Variants in HIBADH observed in about 807,000 individuals in gnomAD.
The protein encoded by HIBADH is 3-hydroxyisobutyrate dehydrogenase, mitochondrial.
A neutral mutation model predicts 36.1 loss-of-function variants in HIBADH; 25 were observed. That is an observed-to-expected ratio of 0.69 (90% confidence interval 0.50 to 0.97). The LOEUF (loss-of-function observed/expected upper bound fraction) is 0.97. Among genes scored for constraint, HIBADH ranks in the 50% least tolerant of loss-of-function variants. The pLI is 0.00. For synonymous variants in HIBADH, 160 were observed against 149.5 expected, an observed-to-expected ratio of 1.07 and a Z score of -0.51; for missense variants, 421 against 418.0, an observed-to-expected ratio of 1.01 and a Z score of -0.06.
intron 2 of HIBADH, chr7:27,647,707 G>C (rs934677703): frequency 4.1e-5 from 17 of 417,214 alleles, no homozygotes; most frequent in Non-Finnish European, 8.5e-5. Context: ...TAAGAAACTT[G>C]TTGGGAAACA....
At chr7:27,607,695 A>C (rs1045022603) in intron 4 of HIBADH, among the ~76,000 whole-genome samples, 2 of 152,130 alleles carry the variant, frequency 1.3e-5, no homozygotes, top group African/African-American at 4.8e-5. Context: ...AATTACAGTA[A>C]ACTAACTAGC....
At chr7:27,549,100 C>T (rs936659960) in intron 4 of HIBADH, among the ~76,000 whole-genome samples, 5 of 151,984 alleles carry the variant, frequency 3.3e-5, no homozygotes, top group African/African-American at 9.7e-5. Context: ...CATAATACTC[C>T]ACCACTCTTC....
At chr7:27,628,414 G>A (rs954224149) in intron 4 of HIBADH, among the ~76,000 whole-genome samples, 11 of 152,168 alleles carry the variant, frequency 7.2e-5, no homozygotes, top group African/African-American at 2.6e-4. Flanking sequence ...ATATTCTGCT[G>A]TCTACTGCTA....
chr7:27,593,497 A>T (rs998027545), intron 4 of HIBADH, among the ~76,000 whole-genome samples: 3 of 151,520 alleles, frequency 2.0e-5, no homozygotes, highest in African/African-American at 4.8e-5. Context: ...ACATACATTT[A>T]AAAAAAAAGA....
chr7:27,591,897 TAGA>T (rs904076447), intron 4 of HIBADH, among the ~76,000 whole-genome samples: 5 of 152,356 alleles, frequency 3.3e-5, no homozygotes, highest in East Asian at 1.9e-4. Flanking sequence ...ACAGTGATTC[TAGA>T]AGAACCTTCA....
intron 1 of HIBADH, among the ~76,000 whole-genome samples, chr7:27,659,832 A>T (rs1404359633): frequency 6.6e-6 from 1 of 152,204 alleles, no homozygotes; most frequent in African/African-American, 2.4e-5. Flanking sequence ...TCAAGGCAAG[A>T]GGATGGCTTC....
At chr7:27,635,729 G>A (rs935115503) in intron 2 of HIBADH, among the ~76,000 whole-genome samples, 5 of 152,190 alleles carry the variant, frequency 3.3e-5, no homozygotes, top group Admixed American at 1.3e-4. Context: ...CTCCATAACT[G>A]GGGATGGTCA....
intron 4 of HIBADH, among the ~76,000 whole-genome samples, chr7:27,550,937 T>C (rs1293442426): frequency 6.6e-6 from 1 of 152,214 alleles, no homozygotes; most frequent in East Asian, 1.9e-4. Flanking sequence ...AATGTGTTTA[T>C]TGTAATCTTG....
intron 4 of HIBADH, among the ~76,000 whole-genome samples, chr7:27,594,813 G>A (rs1219563406): frequency 6.6e-6 from 1 of 152,038 alleles, no homozygotes; most frequent in African/African-American, 2.4e-5. Flanking sequence ...ATACATGCTG[G>A]AACTGAGTGT....
chr7:27,651,648 T>G (rs1479612980), intron 1 of HIBADH, among the ~76,000 whole-genome samples: 1 of 152,194 alleles, frequency 6.6e-6, no homozygotes, highest in Non-Finnish European at 1.5e-5. Flanking sequence ...GGCAATTCAC[T>G]CTAGGTCAAA....
At chr7:27,555,006 G>C (rs1030648968) in intron 4 of HIBADH, among the ~76,000 whole-genome samples, 1 of 152,152 alleles carries the variant, frequency 6.6e-6, no homozygotes, top group Non-Finnish European at 1.5e-5. Context: ...TAACATTAAG[G>C]AAAGGTAACT....
intron 4 of HIBADH, among the ~76,000 whole-genome samples, chr7:27,557,211 A>C (rs1192790308): frequency 6.7e-6 from 1 of 149,768 alleles, no homozygotes; most frequent in Non-Finnish European, 1.5e-5. Context: ...TTTTTTTTTT[A>C]AGAAATAACA....
intron 2 of HIBADH, among the ~76,000 whole-genome samples, chr7:27,647,102 G>A (rs1446026951): frequency 6.6e-6 from 1 of 152,096 alleles, no homozygotes; most frequent in Admixed American, 6.5e-5. Flanking sequence ...CAATATGCGA[G>A]CAACACTACT....
chr7:27,574,127 A>G (rs2128188443), intron 4 of HIBADH, among the ~76,000 whole-genome samples: 1 of 152,332 alleles, frequency 6.6e-6, no homozygotes, highest in Middle Eastern at 3.4e-3. Context: ...TGATTGAAGG[A>G]GTCCAATAAA....
chr7:27,553,390 A>G (rs1209792867), intron 4 of HIBADH, among the ~76,000 whole-genome samples: 1 of 152,240 alleles, frequency 6.6e-6, no homozygotes, highest in Non-Finnish European at 1.5e-5. Flanking sequence ...GACCTGGTTC[A>G]TTATTTACCC....
intron 4 of HIBADH, among the ~76,000 whole-genome samples, chr7:27,582,290 C>A (rs1361560326): frequency 6.6e-6 from 1 of 152,120 alleles, no homozygotes; most frequent in Non-Finnish European, 1.5e-5. Flanking sequence ...GTCTTCATTT[C>A]TTCTGCTTAG....
At chr7:27,594,009 C>T (rs145865040) in intron 4 of HIBADH, among the ~76,000 whole-genome samples, 21 of 146,568 alleles carry the variant, frequency 1.4e-4, no homozygotes, top group Non-Finnish European at 1.3e-4. Flanking sequence ...GGCGACAGAG[C>T]GAGACTCCGT....
At chr7:27,590,723 A>C (rs1338761390) in intron 4 of HIBADH, among the ~76,000 whole-genome samples, 1 of 152,230 alleles carries the variant, frequency 6.6e-6, no homozygotes, top group Non-Finnish European at 1.5e-5. Flanking sequence ...CCAGATAAGG[A>C]TCTCACTTAA....
intron 4 of HIBADH, among the ~76,000 whole-genome samples, chr7:27,598,380 A>G (rs1785065995): frequency 6.6e-6 from 1 of 152,178 alleles, no homozygotes; most frequent in South Asian, 2.1e-4. Context: ...ATGTTTGACT[A>G]TTTCTACCAT....
Sources: allele counts gnomAD v4.1 joint callset (sites outside exome capture counted in the v4.1 genomes callset), GRCh38; gene constraint gnomAD v4.1.1; transcripts MANE v1.5; gene names NCBI Gene and HGNC (gene_info 2026-07-23, HGNC 2026-07-21).